PARD6G: variants seen among roughly 807,000 people sequenced by gnomAD.
PARD6G encodes the protein partitioning defective 6 homolog gamma.
A neutral mutation model predicts 10.7 loss-of-function variants in PARD6G; 7 were observed. The observed-to-expected ratio is 0.66, with a 90% confidence interval of 0.37 to 1.23. The LOEUF is 1.23. Among genes scored for constraint, PARD6G ranks in the 50% most tolerant of loss-of-function variants. The pLI, the probability that PARD6G is intolerant of heterozygous loss-of-function variation, is 0.02. For missense variants in PARD6G, 548 were observed against 571.8 expected, an observed-to-expected ratio of 0.96 and a Z score of 0.42; for synonymous variants, 287 against 269.4, an observed-to-expected ratio of 1.07 and a Z score of -0.64.
chr18:80,226,359 G>A (rs1017805960), intron 1 of PARD6G, among the ~76,000 whole-genome samples: 4 of 151,706 alleles, frequency 2.6e-5, no homozygotes, highest in East Asian at 1.9e-4. Context: ...TAGTAGAGAC[G>A]GGGGTTCCTC....
chr18:80,200,761 G>C lies in PARD6G; in HGVS notation c.295+1949C>G, dbSNP rs1967000209. Among the ~76,000 whole-genome samples, 1 of 152,226 alleles carries C rather than the reference G, an allele frequency of 6.6e-6. No individual in the cohort carries two copies. Among genetic ancestry groups the C allele is most frequent in the Non-Finnish European group, 1.5e-5 (1 of 68,046 alleles). On this transcript the variant is annotated intron_variant, in intron 2 of 2. Coordinates refer to ENST00000353265, the MANE Select transcript of PARD6G (RefSeq NM_032510.4). This position sits in a 1 kb window ranked among gnomAD's most constrained non-coding sequence, Gnocchi z 4.4. ...AGCCAGCAAGCTGGAAAGAGGCAGA[G>C]TGTCCGAGCTGCTGCTGGAGGTTAG...
At chr18:80,199,953 G>C (rs1305725110) in intron 2 of PARD6G, among the ~76,000 whole-genome samples, 2 of 152,182 alleles carry the variant, frequency 1.3e-5, no homozygotes, top group Admixed American at 6.5e-5. Context: ...CTGAGCAACA[G>C]ATTAATTTTT....
rs1478593654 is a variant in PARD6G at position 80,246,139 on chromosome 18, AG to A, written c.72+1137del. On this transcript the variant is annotated intron_variant, in intron 1 of 2. Transcript: ENST00000353265. This position sits in a 1 kb window ranked among gnomAD's most constrained non-coding sequence, Gnocchi z 6.7. ...CTGCGCCCAAGATAGGCACACAGTTAGGGGTGCGGGCTCCCACTCCGCCGTT... is the reference window on the plus strand; with the variant it reads ...CTGCGCCCAAGATAGGCACACAGTTAGGGTGCGGGCTCCCACTCCGCCGTT... Among the ~76,000 whole-genome samples, 1 of 152,074 alleles carries A rather than the reference AG, an allele frequency of 6.6e-6. No homozygotes were observed. Among genetic ancestry groups the A allele is most frequent in the East Asian group, 1.9e-4 (1 of 5,182 alleles).
chr18:80,209,614 C>T (rs949039137), intron 1 of PARD6G, among the ~76,000 whole-genome samples: 1 of 152,082 alleles, frequency 6.6e-6, no homozygotes, highest in African/African-American at 2.4e-5. Context: ...AGTTTGATAC[C>T]AGCCTGGGCA....
chr18:80,160,717 G>C lies in PARD6G; in HGVS notation c.296-111C>G, dbSNP rs993354894. The C allele has an allele frequency of 2.9e-6, 4 of 1,403,304 alleles. No individual in the cohort carries two copies. The African/African-American group carries it at 5.9e-5, about 21-fold the overall frequency. The allele number at this position is 1,403,304 out of a possible 1,614,324, so 86.9% of individuals were successfully genotyped here. Reference sequence around the variant, plus strand: ...ATCTGCGTGACGCCGAAGCACCCAGGGTGCACAGGAGCATTCCAGACCTGC... The same window carrying C: ...ATCTGCGTGACGCCGAAGCACCCAGCGTGCACAGGAGCATTCCAGACCTGC... On this transcript the variant is annotated intron_variant, in intron 2 of 2. Coordinates refer to ENST00000353265, the MANE Select transcript of PARD6G (RefSeq NM_032510.4).
chr18:80,209,186 C>T (rs1366795187), intron 1 of PARD6G, among the ~76,000 whole-genome samples: 1 of 151,916 alleles, frequency 6.6e-6, no homozygotes, highest in Non-Finnish European at 1.5e-5. Context: ...TATCATTTCC[C>T]CTTAAAAGGA....
intron 2 of PARD6G, among the ~76,000 whole-genome samples, chr18:80,177,027 A>ACG (rs1568429128): frequency 6.9e-6 from 1 of 144,490 alleles, no homozygotes; most frequent in East Asian, 2.0e-4. Context: ...GCGCGCGTGC[A>ACG]CACACACACA....
rs34386165 is a variant in PARD6G, at chr18:80,160,118, C to T, written c.784G>A (p.Ala262Thr). Residue 262 changes from alanine to threonine, a missense_variant, in exon 3 of 3, where the codon GCG becomes ACG. Ala to Thr is a moderately conservative substitution (Grantham distance 58, BLOSUM62 0). Coordinates refer to ENST00000353265, the MANE Select transcript of PARD6G (RefSeq NM_032510.4). The part of the protein sequence containing the change: ...QRNNVVRGGR[A>T]LGSSGPPSDG... ...GAGGGCGGTCCCGAGCTGCCCAACGCGCGGCCGCCGCGCACCACGTTGTTG... is the reference window on the plus strand; with the variant it reads ...GAGGGCGGTCCCGAGCTGCCCAACGTGCGGCCGCCGCGCACCACGTTGTTG... 6.2e-7 allele frequency: 1 copy of T among 1,611,280 alleles called. No individual in the cohort carries two copies. The highest frequency in any genetic ancestry group is 1.1e-5 in the South Asian group (1 of 90,922).
rs768300051 is a variant in PARD6G, at chr18:80,160,476, G to A, written c.426C>T (p.Pro142=). The A allele has an allele frequency of 6.4e-6, 10 of 1,560,552 alleles. No individual in the cohort carries two copies. The highest frequency in any genetic ancestry group is 2.4e-5 in the South Asian group (2 of 83,194). The change falls in exon 3 of 3, where the codon CCC becomes CCT. Residue 142 remains proline (P), a synonymous_variant. Coordinates refer to ENST00000353265, the MANE Select transcript of PARD6G (RefSeq NM_032510.4). ...LDIGLPRDFR[P]VSSIIDVDLV... ...GGTCCACATCGATGATGGATGATAC[G>A]GGGCGGAAGTCGCGCGGGAGGCCGA...
chr18:80,166,289 C>T (rs1027299170), intron 2 of PARD6G, among the ~76,000 whole-genome samples: 2 of 150,940 alleles, frequency 1.3e-5, no homozygotes, highest in African/African-American at 4.9e-5. Context: ...TGTGTTCCTC[C>T]TCTCTGCCGC....
At chr18:80,224,715 C>T (rs568694547) in intron 1 of PARD6G, among the ~76,000 whole-genome samples, 36 of 152,148 alleles carry the variant, frequency 2.4e-4, no homozygotes, top group African/African-American at 5.8e-4. Context: ...GGCGTGATGG[C>T]GGGCGCCTGT....
At position 80,188,983 on chromosome 18, in the gene PARD6G, G is replaced by A. The variant is rs1026964065; in HGVS notation, c.295+13727C>T. Among the ~76,000 whole-genome samples the A allele has an allele frequency of 3.9e-5, 6 of 152,218 alleles. No individual in the cohort carries two copies. The highest frequency in any genetic ancestry group is 9.7e-5 in the African/African-American group (4 of 41,450). On this transcript the variant is annotated intron_variant, in intron 2 of 2. Transcript: ENST00000353265. The surrounding 1 kb of genome is among the most constrained non-coding windows in gnomAD (Gnocchi z 5.4). ...TCCCAGCAGAGGCAGCAAGGTAGGCGTTGCCCAGCCCGGGGTTGCCTGACA... is the reference window on the plus strand; with the variant it reads ...TCCCAGCAGAGGCAGCAAGGTAGGCATTGCCCAGCCCGGGGTTGCCTGACA...
chr18:80,205,224 T>A (rs1967044338), intron 1 of PARD6G, among the ~76,000 whole-genome samples: 1 of 152,186 alleles, frequency 6.6e-6, no homozygotes, highest in Admixed American at 6.5e-5. Context: ...CACCCAAGGA[T>A]GACACTGGTA....
Position 80,183,836 on chromosome 18 carries a change from G to A in PARD6G, c.295+18874C>T, listed in dbSNP as rs2052859754. The A allele has an allele frequency of 6.6e-6, 1 of 152,242 alleles. No homozygotes were observed. The highest frequency in any genetic ancestry group is 1.5e-5 in the Non-Finnish European group (1 of 68,098). The allele number at this position is 152,242 out of a possible 1,614,324, so 9.4% of individuals were successfully genotyped here. On this transcript the variant is annotated intron_variant, in intron 2 of 2. Transcript: ENST00000353265. This position sits in a 1 kb window ranked among gnomAD's most constrained non-coding sequence, Gnocchi z 4.5. Reference sequence around the variant, plus strand: ...TATGAAGTTTAAATGCCCCAAGTCAGAAGTCAATTGGATGTCTCTGTCTGA... The same window carrying A: ...TATGAAGTTTAAATGCCCCAAGTCAAAAGTCAATTGGATGTCTCTGTCTGA...
Position 80,188,095 on chromosome 18 carries a change from C to T in PARD6G, c.295+14615G>A, listed in dbSNP as rs1373715023. Among the ~76,000 whole-genome samples the T allele has an allele frequency of 5.3e-5, 8 of 152,196 alleles. No homozygotes were observed. The highest frequency in any genetic ancestry group is 1.0e-4 in the Non-Finnish European group (7 of 68,030). Reference sequence around the variant, plus strand: ...CGGGAGGTGTTACGTGGCGCGCGACCGTGCTCAATATTAGAAGTAAGATGC... The same window carrying T: ...CGGGAGGTGTTACGTGGCGCGCGACTGTGCTCAATATTAGAAGTAAGATGC... On this transcript the variant is annotated intron_variant, in intron 2 of 2. Coordinates refer to ENST00000353265, the MANE Select transcript of PARD6G (RefSeq NM_032510.4). The surrounding 1 kb of genome is among the most constrained non-coding windows in gnomAD (Gnocchi z 5.4).
chr18:80,213,529 C>A (rs1282125083), intron 1 of PARD6G, among the ~76,000 whole-genome samples: 1 of 152,186 alleles, frequency 6.6e-6, no homozygotes, highest in Non-Finnish European at 1.5e-5. Flanking sequence ...GCTGAACACT[C>A]AGCACACTAA....
chr18:80,227,109 A>G (rs1001523450), intron 1 of PARD6G, among the ~76,000 whole-genome samples: 2 of 152,102 alleles, frequency 1.3e-5, no homozygotes, highest in African/African-American at 2.4e-5. Flanking sequence ...GCTCACAACC[A>G]CCACACCCAG....
chr18:80,207,779 A>G (rs1022064927), intron 1 of PARD6G, among the ~76,000 whole-genome samples: 15 of 152,226 alleles, frequency 9.9e-5, no homozygotes, highest in Non-Finnish European at 1.2e-4. Flanking sequence ...CAGGACCACA[A>G]GAGAAAAATA....
In PARD6G at chr18:80,180,630, C is replaced by T. The variant is rs892148653; in HGVS notation, c.296-20024G>A. Among the ~76,000 whole-genome samples the T allele has an allele frequency of 6.6e-6, 1 of 152,144 alleles. No individual in the cohort carries two copies. Among genetic ancestry groups the T allele is most frequent in the Admixed American group, 6.5e-5 (1 of 15,282 alleles). ...TGGCACCGCAAATGGCAGGGCTGCT[C>T]CCCACTCCCTGGAGGAAGTGAGCCT... On this transcript the variant is annotated intron_variant, in intron 2 of 2. Transcript: ENST00000353265. This position sits in a 1 kb window ranked among gnomAD's most constrained non-coding sequence, Gnocchi z 5.6.
Sources: allele counts gnomAD v4.1 joint callset (sites outside exome capture counted in the v4.1 genomes callset), GRCh38; gene constraint gnomAD v4.1.1; non-coding constraint Gnocchi (gnomAD v3.1); transcripts MANE v1.5; gene names NCBI Gene and HGNC (gene_info 2026-07-23, HGNC 2026-07-21).